Variants in D2HGDH observed in about 807,000 individuals in gnomAD.
D2HGDH encodes D-2-hydroxyglutarate dehydrogenase, mitochondrial.
D2HGDH carries 31 observed loss-of-function variants against 46.9 expected under a neutral mutation model. The observed-to-expected ratio is 0.66, with a 90% CI of 0.50 to 0.89. The LOEUF (loss-of-function observed/expected upper bound fraction) is 0.89, where lower values mean the gene tolerates loss of function less well. Among genes scored for constraint, D2HGDH ranks in the 40% least tolerant of loss-of-function variants. The pLI is 0.00. For missense variants in D2HGDH, 698 were observed against 720.8 expected (o/e 0.97, Z 0.36); for synonymous variants, 364 against 332.6 (o/e 1.09, Z -1.03).
At position 241,762,069 on chromosome 2, in the gene D2HGDH, C is replaced by CT. The variant is rs564362722; in HGVS notation, c.1307-5621dup. Among the ~76,000 whole-genome samples the CT allele has an allele frequency of 7.8e-3, 844 of 108,138 alleles. 7 individuals carry two copies. The highest frequency in any genetic ancestry group is 0.02 in the Middle Eastern group (4 of 196). The allele number at this position is 108,138 out of a possible 152,430, so 70.9% of individuals were successfully genotyped here. On this transcript the variant is annotated intron_variant, in intron 9 of 9. Coordinates refer to ENST00000321264, the MANE Select transcript of D2HGDH (RefSeq NM_152783.5). Reference sequence around the variant, plus strand: ...AAATAATTTCTTTCTTTTTCTTTTCCTTTTTTTTTTTTTTTTTTTTGAGAT... The same window carrying CT: ...AAATAATTTCTTTCTTTTTCTTTTCCTTTTTTTTTTTTTTTTTTTTTGAGAT...
chr2:241,743,268 C>T lies in D2HGDH; in HGVS notation c.491-354C>T, dbSNP rs1162996797. 6.6e-6 allele frequency among the ~76,000 whole-genome samples: 1 copy of T among 152,204 alleles called. No individual in the cohort carries two copies. The highest frequency in any genetic ancestry group is 2.4e-5 in the African/African-American group (1 of 41,438). On this transcript the variant is annotated intron_variant, in intron 4 of 9. Coordinates refer to ENST00000321264, the MANE Select transcript of D2HGDH (RefSeq NM_152783.5). This position sits in a 1 kb window ranked among gnomAD's most constrained non-coding sequence, Gnocchi z 4.8. ...TCCTTGGCCTCCGCCTACAAGGTGCCCATGGCACCCCCAACCCAGGCATTG... is the reference window on the plus strand; with the variant it reads ...TCCTTGGCCTCCGCCTACAAGGTGCTCATGGCACCCCCAACCCAGGCATTG...
intron 9 of D2HGDH, among the ~76,000 whole-genome samples, chr2:241,760,039 T>C (rs1365558553): frequency 1.3e-5 from 2 of 150,212 alleles, no homozygotes; most frequent in Non-Finnish European, 3.0e-5. Flanking sequence ...GTCGAAGGAC[T>C]TCGCCACAGC....
At position 241,745,899 on chromosome 2, in the gene D2HGDH, C is replaced by A. The variant is rs925728546; in HGVS notation, c.853+1022C>A. On this transcript the variant is annotated intron_variant, in intron 6 of 9. Transcript: ENST00000321264. ...ACGCTGACCCGCTGTCCTCTGGCCT[C>A]CTCGCTGTTGGGAACTTTGCTGTCG... 3.3e-5 allele frequency among the ~76,000 whole-genome samples: 5 copies of A among 152,296 alleles called. No homozygotes were observed. The East Asian group carries it at 9.6e-4, about 29-fold the overall frequency.
chr2:241,751,937 C>T (rs1479333428), intron 8 of D2HGDH, among the ~76,000 whole-genome samples: 4 of 149,194 alleles, frequency 2.7e-5, no homozygotes, highest in South Asian at 2.1e-4. Context: ...GGGGAGCCCT[C>T]GGTCACCGTC....
intron 9 of D2HGDH, 144 bp downstream of exon 9, chr2:241,756,158 G>A (rs1476326554): frequency 3.2e-5 from 40 of 1,237,374 alleles, no homozygotes; most frequent in African/African-American, 9.1e-5. Context: ...GCAGGACCAC[G>A]GTGTCTGACA....
Position 241,755,850 on chromosome 2 carries a change from T to TG in D2HGDH, c.1143dup (p.Leu382AlafsTer36). 1 of 1,612,294 alleles carries TG rather than the reference T, an allele frequency of 6.2e-7. No individual in the cohort carries two copies. Among genetic ancestry groups the TG allele is most frequent in the Non-Finnish European group, 8.5e-7 (1 of 1,178,938 alleles). On this transcript the variant is annotated frameshift_variant and splice_region_variant, in exon 9 of 10. Coordinates refer to ENST00000321264, the MANE Select transcript of D2HGDH (RefSeq NM_152783.5). LOFTEE classifies it high-confidence loss of function. ...GTCTCATCTCGTCTCATCCTCTAGA[T>TG]GCTGTGGGCCCTGAGGGAAAGGATC...
intron 9 of D2HGDH, among the ~76,000 whole-genome samples, chr2:241,763,978 A>T (rs1341992751): frequency 6.6e-6 from 1 of 152,174 alleles, no homozygotes; most frequent in African/African-American, 2.4e-5. Context: ...TGAGCACAGG[A>T]GGTTGAAGTG....
At chr2:241,749,265 A>G (rs1160819285) in intron 6 of D2HGDH, 1 of 1,263,742 alleles carries the variant, frequency 7.9e-7, no homozygotes, top group Non-Finnish European at 1.0e-6. Context: ...CTCGGGTCAC[A>G]GGCCTTGAGG....
Position 241,751,341 on chromosome 2 carries a change from G to T in D2HGDH, c.1093G>T (p.Gly365Cys). 1 of 1,613,766 alleles carries T rather than the reference G, an allele frequency of 6.2e-7. No individual in the cohort carries two copies. The stretch of plus-strand genomic sequence containing the variant: ...CTTCCTGGAGCACGCGCTGGGCTCC[G>T]GCCTGGTGACCGATGGGACCATGGC... ...GHFLEHALGS[G>C]LVTDGTMATD... is the part of the protein sequence containing the mutation. Residue 365 changes from glycine (G) to cysteine (C), a missense_variant, in exon 8 of 10, where the codon GGC (glycine) becomes TGC (cysteine). Physicochemically the swap from Gly to Cys is radical, Grantham distance 159 (BLOSUM62 -3). Transcript: ENST00000321264.
At chr2:241,734,852 GA>G (rs1318267960) in intron 1 of D2HGDH, 157 bp downstream of exon 1, 9 of 204,908 alleles carry the variant, frequency 4.4e-5, no homozygotes, top group Non-Finnish European at 7.8e-5. Context: ...TGACCGCGTG[GA>G]ACACGCGCGC....
intron 9 of D2HGDH, among the ~76,000 whole-genome samples, chr2:241,760,589 T>C (rs994154192): frequency 4.2e-4 from 56 of 132,754 alleles, no homozygotes; most frequent in Middle Eastern, 4.7e-3. Context: ...TCAGTCGAAG[T>C]CCTTCGCCAC....
chr2:241,749,404 G>A (rs909375346), intron 6 of D2HGDH: 2 of 1,251,470 alleles, frequency 1.6e-6, no homozygotes, highest in South Asian at 1.3e-5. Context: ...TGAAAGGTGG[G>A]CACGGGCCCC....
Position 241,735,285 on chromosome 2 carries a change from G to A in D2HGDH, c.61G>A (p.Ala21Thr), listed in dbSNP as rs1484718121. 3 of 1,523,628 alleles carry A rather than the reference G, an allele frequency of 2.0e-6. No individual in the cohort carries two copies. Among genetic ancestry groups the A allele is most frequent in the Admixed American group, 2.0e-5 (1 of 49,420 alleles). The allele number at this position is 1,523,628 out of a possible 1,614,324, so 94.4% of individuals were successfully genotyped here. The change falls in exon 2 of 10, where the codon GCG becomes ACG. Residue 21 changes from alanine to threonine, a missense_variant. By Grantham distance (58) the Ala-to-Thr change is moderately conservative. Transcript: ENST00000321264. ...AWLLRGAPGA[A>T]GSWGRPVGPL... ...GCTGTTGCGGGGTGCTCCGGGAGCCGCGGGTTCTTGGGGTCGGCCGGTTGG... is the reference window on the plus strand; with the variant it reads ...GCTGTTGCGGGGTGCTCCGGGAGCCACGGGTTCTTGGGGTCGGCCGGTTGG...
intron 9 of D2HGDH, among the ~76,000 whole-genome samples, chr2:241,764,197 G>T (rs1017751392): frequency 3.3e-5 from 5 of 152,074 alleles, no homozygotes; most frequent in African/African-American, 4.8e-5. Context: ...GGCGGGGACT[G>T]GGGGGCGACG....
At chr2:241,763,097 C>T (rs1293623767) in intron 9 of D2HGDH, among the ~76,000 whole-genome samples, 1 of 152,210 alleles carries the variant, frequency 6.6e-6, no homozygotes, top group Non-Finnish European at 1.5e-5. Context: ...CATTCTCAGC[C>T]TTTGGGACCC....
rs1697142478 is a variant in D2HGDH at position 241,751,230 on chromosome 2, C to T, written c.998-16C>T. 6.2e-7 allele frequency: 1 copy of T among 1,613,812 alleles called. No homozygotes were observed. Among genetic ancestry groups the T allele is most frequent in the Non-Finnish European group, 8.5e-7 (1 of 1,180,024 alleles). ...CCGGAGCCTCTGCTCACTCTGCCTT[C>T]CTTGCTCACTTCTAGAGAGTCCGTT... On this transcript the variant is annotated splice_polypyrimidine_tract_variant and intron_variant, in intron 7 of 9. Coordinates refer to ENST00000321264, the MANE Select transcript of D2HGDH (RefSeq NM_152783.5).
At chr2:241,744,910 T>C in intron 6 of D2HGDH, 33 bp downstream of exon 6, 1 of 1,612,654 alleles carries the variant, frequency 6.2e-7, no homozygotes, top group Non-Finnish European at 8.5e-7. Flanking sequence ...TTGAGATGGG[T>C]GGTTGGGCTC....
At position 241,761,159 on chromosome 2, in the gene D2HGDH, TAAAC is replaced by T. The variant is rs377172035; in HGVS notation, c.1306+5149_1306+5152del. Among the ~76,000 whole-genome samples the T allele has an allele frequency of 3.9e-5, 6 of 152,186 alleles. No homozygotes were observed. The East Asian group carries it at 5.8e-4, about 15-fold the overall frequency. On this transcript the variant is annotated intron_variant, in intron 9 of 9. Transcript: ENST00000321264. ...AAAATAACAATACAACAATAAAAAATAAACAAAAGACGATGTAGTATAACAGTGA... is the reference window on the plus strand; with the variant it reads ...AAAATAACAATACAACAATAAAAAATAAAAGACGATGTAGTATAACAGTGA...
At chr2:241,750,358 G>C (rs1696940606) in intron 7 of D2HGDH, 64 bp downstream of exon 7, 3 of 1,580,344 alleles carry the variant, frequency 1.9e-6, no homozygotes, top group South Asian at 2.2e-5. Context: ...TGGACACATG[G>C]GACGGCTCAG....
Sources: allele counts gnomAD v4.1 joint callset (sites outside exome capture counted in the v4.1 genomes callset), GRCh38; gene constraint gnomAD v4.1.1; non-coding constraint Gnocchi (gnomAD v3.1); transcripts MANE v1.5; gene names NCBI Gene and HGNC (gene_info 2026-07-23, HGNC 2026-07-21).